The following PDK1 variants were observed in gnomAD, a reference collection of about 807,000 sequenced individuals.
PDK1 encodes pyruvate dehydrogenase kinase 1.
PDK1 carries 39 observed loss-of-function variants against 54.2 expected under a neutral mutation model. The observed-to-expected ratio is 0.72, with a 90% CI of 0.56 to 0.94. The LOEUF (loss-of-function observed/expected upper bound fraction) is 0.94, where lower values mean the gene tolerates loss of function less well. Among genes scored for constraint, PDK1 ranks in the 40% least tolerant of loss-of-function variants. The pLI, the probability that PDK1 is intolerant of heterozygous loss-of-function variation, is 0.00. For synonymous variants in PDK1, 221 were observed against 207.1 expected (o/e 1.07, Z -0.58); for missense variants, 552 against 566.0 (o/e 0.98, Z 0.25).
At chr2:172,662,434 A>G in the PDK1 span, among the ~76,000 whole-genome samples, 1 of 152,206 alleles carries the variant, frequency 6.6e-6, no homozygotes, top group Admixed American at 6.5e-5. Context: ...ACTCATATGC[A>G]TATACGTATT....
intron 2 of PDK1, among the ~76,000 whole-genome samples, chr2:172,559,095 C>T (rs983745289): frequency 6.6e-6 from 1 of 152,094 alleles, no homozygotes; most frequent in Admixed American, 6.5e-5. Context: ...ATTACAGGCA[C>T]GTGCCACCAC....
chr2:172,703,263 T>A, the PDK1 span, among the ~76,000 whole-genome samples: 5 of 152,008 alleles, frequency 3.3e-5, no homozygotes, highest in Non-Finnish European at 7.4e-5. Context: ...TTTGAAGGAG[T>A]ACAATACAGT....
the PDK1 span, among the ~76,000 whole-genome samples, chr2:172,647,115 A>G: frequency 6.6e-6 from 1 of 152,130 alleles, no homozygotes; most frequent in Non-Finnish European, 1.5e-5. Flanking sequence ...GCCAATAAGG[A>G]GCATACTGCC....
the PDK1 span, among the ~76,000 whole-genome samples, chr2:172,686,762 C>T: frequency 2.2e-3 from 340 of 152,300 alleles, 5 homozygotes; most frequent in East Asian, 1.7e-3. Flanking sequence ...TTCTTGAAGT[C>T]GGTGAGACCA....
the PDK1 span, among the ~76,000 whole-genome samples, chr2:172,721,122 T>G: frequency 9.2e-5 from 14 of 152,350 alleles, no homozygotes; most frequent in East Asian, 2.7e-3. Flanking sequence ...GCATCTCTTC[T>G]TCCTGTGTTC....
At chr2:172,594,252 T>C (rs1690770910) in intron 10 of PDK1, among the ~76,000 whole-genome samples, 1 of 152,294 alleles carries the variant, frequency 6.6e-6, no homozygotes, top group Admixed American at 6.5e-5. Flanking sequence ...CTCGAACTCC[T>C]GACCTCAGGT....
At chr2:172,583,539 C>T (rs1690040606) in intron 8 of PDK1, among the ~76,000 whole-genome samples, 2 of 151,806 alleles carry the variant, frequency 1.3e-5, no homozygotes, top group Admixed American at 6.6e-5. Flanking sequence ...AGTGATTCGC[C>T]GGCCTTGCCT....
At chr2:172,646,215 C>G in the PDK1 span, among the ~76,000 whole-genome samples, 1 of 152,072 alleles carries the variant, frequency 6.6e-6, no homozygotes, top group Admixed American at 6.5e-5. Context: ...GATTCTCATA[C>G]AAAAGGAGTT....
the PDK1 span, among the ~76,000 whole-genome samples, chr2:172,622,094 A>G: frequency 1.4e-5 from 2 of 139,150 alleles, no homozygotes; most frequent in East Asian, 2.0e-4. Flanking sequence ...AGATATGTTT[A>G]TATCTCATAT....
chr2:172,580,623 T>G (rs1297013970), intron 8 of PDK1, among the ~76,000 whole-genome samples: 1 of 152,150 alleles, frequency 6.6e-6, no homozygotes, highest in Non-Finnish European at 1.5e-5. Context: ...CCTCAAAGGA[T>G]TGAGAATATT....
chr2:172,646,253 A>G, the PDK1 span, among the ~76,000 whole-genome samples: 2 of 152,140 alleles, frequency 1.3e-5, no homozygotes, highest in African/African-American at 4.8e-5. Context: ...TAATTAACAT[A>G]TTTGCTATTT....
At chr2:172,708,158 G>T in the PDK1 span, among the ~76,000 whole-genome samples, 1 of 151,990 alleles carries the variant, frequency 6.6e-6, no homozygotes, top group Non-Finnish European at 1.5e-5. Flanking sequence ...GCTGGGCATA[G>T]TGCACCTGTA....
the PDK1 span, among the ~76,000 whole-genome samples, chr2:172,706,347 TG>T: frequency 1.3e-5 from 2 of 152,220 alleles, no homozygotes; most frequent in African/African-American, 4.8e-5. Flanking sequence ...ATTTTTATGA[TG>T]ATTACTTTAA....
chr2:172,632,946 A>C, the PDK1 span, among the ~76,000 whole-genome samples: 1 of 116,124 alleles, frequency 8.6e-6, no homozygotes, highest in Admixed American at 1.2e-4. Flanking sequence ...GCACCACTGC[A>C]CTCCAGCCTG....
the PDK1 span, among the ~76,000 whole-genome samples, chr2:172,672,876 T>C: frequency 6.6e-6 from 1 of 151,648 alleles, no homozygotes; most frequent in Non-Finnish European, 1.5e-5. Context: ...TATTTACAAA[T>C]GTTAGCAGCA....
At position 172,566,881 on chromosome 2, in the gene PDK1, G is replaced by A; in HGVS notation, c.717G>A (p.Leu239=). ...ATGGCTATGAAAATGCTAGGCGTCT[G>A]TGTGATTTGTATTATATTAACTCTC... ...IKDGYENARR[L]CDLYYINSPE... is the part of the protein sequence containing the mutation. The change falls in exon 6 of 11, where the codon CTG becomes CTA. Residue 239 remains leucine (L), a synonymous_variant. Coordinates refer to ENST00000282077, the MANE Select transcript of PDK1 (RefSeq NM_002610.5). 1 of 1,611,170 alleles carries A rather than the reference G, an allele frequency of 6.2e-7. No homozygotes were observed. The highest frequency in any genetic ancestry group is 8.5e-7 in the Non-Finnish European group (1 of 1,177,850).
Position 172,562,806 on chromosome 2 carries a change from T to C in PDK1, c.410+515T>C, listed in dbSNP as rs1200427776. ...TGTATGGCCTGCAAGATGATGTAAG[T>C]AATATGACAATGTTAATAACCCATA... On this transcript the variant is annotated intron_variant, in intron 3 of 10. Transcript: ENST00000282077. The C allele has an allele frequency of 3.1e-6, 5 of 1,611,448 alleles. No homozygotes were observed. In the South Asian group the frequency reaches 3.3e-5, roughly 11 times the overall value.
chr2:172,642,401 G>T, the PDK1 span, among the ~76,000 whole-genome samples: 1 of 152,156 alleles, frequency 6.6e-6, no homozygotes, highest in Non-Finnish European at 1.5e-5. Flanking sequence ...TGTGAGTATG[G>T]TGTAGGAGTG....
At chr2:172,583,275 T>G (rs967364697) in intron 8 of PDK1, among the ~76,000 whole-genome samples, 3 of 147,718 alleles carry the variant, frequency 2.0e-5, no homozygotes, top group Non-Finnish European at 4.4e-5. Context: ...GCATAAAAGT[T>G]TTCTGGTTTT....
Sources: gnomAD v4.1 joint callset for allele counts (sites outside exome capture counted in the v4.1 genomes callset) on GRCh38, gnomAD v4.1.1 for gene constraint, MANE v1.5 for transcripts, NCBI Gene and HGNC (gene_info 2026-07-23, HGNC 2026-07-21) for gene names.